The following GRIN1 variants were observed in gnomAD, a reference collection of about 807,000 sequenced individuals.
The protein encoded by GRIN1 is glutamate receptor ionotropic, NMDA 1.
In GRIN1, 38 loss-of-function variants were observed where a neutral mutation model predicts 103.0. The observed-to-expected ratio is 0.37, with a 90% confidence interval of 0.28 to 0.48. GRIN1 has a LOEUF of 0.48. Ranked by LOEUF, GRIN1 falls within the 20% of genes least tolerant of loss-of-function variation. GRIN1 has a pLI of 0.98. For missense variants in GRIN1, 577 were observed against 1,288.9 expected (o/e 0.45, Z 8.46); for synonymous variants, 544 against 532.7 (o/e 1.02, Z -0.29).
intron 2 of GRIN1, among the ~76,000 whole-genome samples, chr9:137,144,538 T>C (rs191407535): frequency 0.054 from 8,137 of 151,734 alleles, 529 homozygotes; most frequent in African/African-American, 0.15. Context: ...GCCTGTAGTC[T>C]CAGCTACTTG....
At chr9:137,141,264 GA>G (rs770821859) in intron 1 of GRIN1, among the ~76,000 whole-genome samples, 24 of 152,206 alleles carry the variant, frequency 1.6e-4, no homozygotes, top group Non-Finnish European at 3.2e-4. Flanking sequence ...CTTGCTGTGT[GA>G]AGGTGGTGTG....
intron 4 of GRIN1, among the ~76,000 whole-genome samples, chr9:137,151,505 CAGAGAAATTCCCACTT>C (rs1399035919): frequency 6.6e-6 from 1 of 150,590 alleles, no homozygotes; most frequent in African/African-American, 2.4e-5. Context: ...AAGCTTCACC[CAGAGAAATTCCCACTT>C]AGAGAAATTC....
chr9:137,144,548 G>T (rs539565850), intron 2 of GRIN1, among the ~76,000 whole-genome samples: 1 of 152,048 alleles, frequency 6.6e-6, no homozygotes, highest in Non-Finnish European at 1.5e-5. Context: ...TCAGCTACTT[G>T]GGAGGCTGAG....
intron 3 of GRIN1, 137 bp from the exon 4 acceptor site, chr9:137,148,872 C>T (rs535809245): frequency 2.1e-4 from 150 of 704,868 alleles, no homozygotes; most frequent in African/African-American, 2.1e-3. Context: ...CAGGCGGAGG[C>T]GCAGGTGGCA....
At chr9:137,163,531 C>A in intron 16 of GRIN1, 28 bp from the exon 17 acceptor site, 1 of 1,500,464 alleles carries the variant, frequency 6.7e-7, no homozygotes. Context: ...CCCCGCCTCA[C>A]TGCAGGCTCA....
intron 2 of GRIN1, among the ~76,000 whole-genome samples, chr9:137,143,947 A>G (rs28489906): frequency 0.4 from 61,521 of 152,130 alleles, 13,497 homozygotes; most frequent in Non-Finnish European, 0.47. Context: ...GGCAGCTTGA[A>G]GCCAGGAAAA....
chr9:137,163,383 A>G, intron 16 of GRIN1, 53 bp downstream of exon 16: 1 of 1,594,544 alleles, frequency 6.3e-7, no homozygotes, highest in African/African-American at 1.3e-5. Context: ...CCAGAGGTGG[A>G]CGCCCTCCCC....
chr9:137,144,728 G>T (rs55866835), intron 2 of GRIN1, among the ~76,000 whole-genome samples: 1 of 106,294 alleles, frequency 9.4e-6, no homozygotes, highest in East Asian at 3.1e-4. Context: ...GTGTCCCCAG[G>T]GGTGTGGGGA....
At chr9:137,163,140 G>C (rs768533308) in intron 15 of GRIN1, 29 bp from the exon 16 acceptor site, 1 of 1,610,360 alleles carries the variant, frequency 6.2e-7, no homozygotes, top group South Asian at 1.1e-5. Context: ...GCAGGACCAA[G>C]GCCCCCGTGA....
chr9:137,159,997 T>TC (rs1198298982), intron 8 of GRIN1, among the ~76,000 whole-genome samples: 4 of 152,050 alleles, frequency 2.6e-5, no homozygotes, highest in African/African-American at 9.7e-5. Context: ...TGACACCATC[T>TC]CCCCTCACAG....
intron 10 of GRIN1, among the ~76,000 whole-genome samples, 187 bp downstream of exon 10, chr9:137,161,603 GGGC>G (rs1833546633): frequency 6.8e-6 from 1 of 146,302 alleles, no homozygotes; most frequent in Non-Finnish European, 1.5e-5. Flanking sequence ...CGGGGCCTGA[GGGC>G]TGGGTGGGGC....
rs1177522842 is a variant in GRIN1 at position 137,161,162 on chromosome 9, T to A, written c.1304T>A (p.Ile435Asn). ...TVNGDPVKKV[I>N]CTGPNDTSPG... ...AACGGCGACCCAGTCAAGAAGGTGA[T>A]CTGCACCGGGCCCAACGACACGTCG... Residue 435 changes from isoleucine to asparagine, a missense_variant, in exon 9 of 20, where the codon ATC becomes AAC. Physicochemically the swap from Ile to Asn is moderately radical, Grantham distance 149. This residue lies in a region of GRIN1 where 96 missense variants were observed against 145.0 expected (regional missense o/e 0.66). Coordinates refer to ENST00000371561, the MANE Select transcript of GRIN1 (RefSeq NM_007327.4). 1 of 1,611,954 alleles carries A rather than the reference T, an allele frequency of 6.2e-7. No homozygotes were observed. Among genetic ancestry groups the A allele is most frequent in the African/African-American group, 1.3e-5 (1 of 74,730 alleles).
At chr9:137,157,109 CG>C in intron 6 of GRIN1, 72 bp downstream of exon 6, 1 of 210,502 alleles carries the variant, frequency 4.8e-6, no homozygotes, top group Non-Finnish European at 8.2e-6. Flanking sequence ...CAGAGATGGG[CG>C]GGGCCGCTCT....
In GRIN1 at chr9:137,167,490, G is replaced by A. The variant is rs1833944169; in HGVS notation, c.2780G>A (p.Gly927Asp). ...LPRRAIEREE[G>D]QLQLCSRHRE... is the part of the protein sequence containing the mutation. Reference sequence around the variant, plus strand: ...CGACGCGCTATTGAGAGGGAGGAGGGCCAGCTGCAGCTGTGTTCCCGTCAT... The same window carrying A: ...CGACGCGCTATTGAGAGGGAGGAGGACCAGCTGCAGCTGTGTTCCCGTCAT... The change falls in exon 20 of 20, where the codon GGC becomes GAC. Residue 927 changes from glycine to aspartate, a missense_variant. Gly to Asp is a moderately conservative substitution (Grantham distance 94). Coordinates refer to ENST00000371561, the MANE Select transcript of GRIN1 (RefSeq NM_007327.4). The A allele has an allele frequency of 6.4e-7, 1 of 1,557,718 alleles. No individual in the cohort carries two copies. The highest frequency in any genetic ancestry group is 1.9e-5 in the Admixed American group (1 of 52,080).
In GRIN1 at chr9:137,168,233, C is replaced by A; in HGVS notation, c.*706C>A. 3.3e-6 allele frequency: 1 copy of A among 302,222 alleles called. No homozygotes were observed. The highest frequency in any genetic ancestry group is 6.2e-6 in the Non-Finnish European group (1 of 160,594). The allele number at this position is 302,222 out of a possible 1,614,324, so 18.7% of individuals were successfully genotyped here. A position where few individuals can be genotyped will look rare whatever the true frequency, so the allele number is the denominator to read the frequency against. On this transcript the variant is annotated 3_prime_UTR_variant, in exon 20 of 20. Coordinates refer to ENST00000371561, the MANE Select transcript of GRIN1 (RefSeq NM_007327.4). ...CCCATGGCCCCAGCTGGCTGGGTCG[C>A]CCCTCCTCGGGCGCCTGCGCTCCTC...
At chr9:137,165,904 C>T (rs1307394276) in intron 19 of GRIN1, among the ~76,000 whole-genome samples, 1 of 152,200 alleles carries the variant, frequency 6.6e-6, no homozygotes, top group African/African-American at 2.4e-5. Flanking sequence ...GGGCTGGGGG[C>T]CGGGCCTGGG....
chr9:137,142,983 A>AG (rs1832259502), intron 2 of GRIN1, among the ~76,000 whole-genome samples: 1 of 152,196 alleles, frequency 6.6e-6, no homozygotes, highest in Non-Finnish European at 1.5e-5. Context: ...CAAGCCAGAG[A>AG]GCCATGGGGG....
chr9:137,163,117 G>A, intron 15 of GRIN1, 52 bp from the exon 16 acceptor site: 1 of 1,603,314 alleles, frequency 6.2e-7, no homozygotes, highest in Non-Finnish European at 8.5e-7. Flanking sequence ...GCGGGCGTGG[G>A]GCTTCCAGGC....
At chr9:137,164,483 C>T (rs944070520) in intron 18 of GRIN1, 2 of 174,976 alleles carry the variant, frequency 1.1e-5, no homozygotes, top group African/African-American at 2.4e-5. Context: ...TCGTGGCCCG[C>T]GGTCGAGTTC....
Sources: gnomAD v4.1 joint callset for allele counts (sites outside exome capture counted in the v4.1 genomes callset) on GRCh38, gnomAD v4.1.1 for gene constraint, gnomAD v4.1.1 regional missense constraint, MANE v1.5 for transcripts, NCBI Gene and HGNC (gene_info 2026-07-23, HGNC 2026-07-21) for gene names.